The following PRKG1 variants were observed in gnomAD, a reference collection of about 807,000 sequenced individuals.
The protein encoded by PRKG1 is cGMP-dependent protein kinase 1.
Under a neutral mutation model 88.1 loss-of-function variants are expected in PRKG1, and 35 were observed. That is an observed-to-expected ratio of 0.40 (90% confidence interval 0.30 to 0.53). PRKG1 has a LOEUF of 0.53. Among genes scored for constraint, PRKG1 ranks in the 20% least tolerant of loss-of-function variants. PRKG1 has a pLI of 0.59. For missense variants in PRKG1, 540 were observed against 839.8 expected (o/e 0.64, Z 4.41); for synonymous variants, 303 against 292.5 (o/e 1.04, Z -0.37).
At chr10:51,638,908 T>C (rs975295523) in intron 3 of PRKG1, among the ~76,000 whole-genome samples, 5 of 152,148 alleles carry the variant, frequency 3.3e-5, no homozygotes, top group Non-Finnish European at 7.4e-5. Context: ...AAATGGCCCA[T>C]AGGGACAGAC....
At chr10:51,610,738 G>T (rs1838884992) in intron 3 of PRKG1, among the ~76,000 whole-genome samples, 1 of 152,106 alleles carries the variant, frequency 6.6e-6, no homozygotes, top group African/African-American at 2.4e-5. Context: ...CATATCTTTT[G>T]CAGGGACAGG....
intron 2 of PRKG1, among the ~76,000 whole-genome samples, chr10:51,273,641 T>G (rs1211534536): frequency 1.3e-5 from 2 of 152,168 alleles, no homozygotes; most frequent in African/African-American, 4.8e-5. Flanking sequence ...TTGCCAACAT[T>G]TAAACACTGG....
At chr10:52,044,680 C>T (rs1055154875) in intron 5 of PRKG1, among the ~76,000 whole-genome samples, 5 of 152,140 alleles carry the variant, frequency 3.3e-5, no homozygotes, top group African/African-American at 1.2e-4. Context: ...ACTTATCTTA[C>T]TACATGTGCT....
At chr10:51,115,790 T>A (rs1459429600) in intron 1 of PRKG1, among the ~76,000 whole-genome samples, 1 of 149,192 alleles carries the variant, frequency 6.7e-6, no homozygotes, top group African/African-American at 2.5e-5. Flanking sequence ...GAGCTGAGAT[T>A]GTGCCAATGC....
intron 4 of PRKG1, among the ~76,000 whole-genome samples, chr10:51,900,311 TCATCCTTCATTAA>T (rs1397490975): frequency 6.6e-6 from 1 of 152,194 alleles, no homozygotes; most frequent in Non-Finnish European, 1.5e-5. Flanking sequence ...TTTTGTGATT[TCATCCTTCATTAA>T]CATCCAACAA....
At chr10:51,330,452 C>T (rs1185163158) in intron 2 of PRKG1, among the ~76,000 whole-genome samples, 1 of 152,036 alleles carries the variant, frequency 6.6e-6, no homozygotes, top group African/African-American at 2.4e-5. Context: ...CACCCGGCCA[C>T]GTTCTCTCTT....
chr10:52,185,679 G>T (rs1839181512), intron 9 of PRKG1, among the ~76,000 whole-genome samples: 2 of 152,280 alleles, frequency 1.3e-5, no homozygotes, highest in African/African-American at 2.4e-5. Context: ...TTCTGCCTCG[G>T]CACCCAGACT....
At chr10:51,638,803 TTAAC>T (rs1476080411) in intron 3 of PRKG1, among the ~76,000 whole-genome samples, 1 of 152,206 alleles carries the variant, frequency 6.6e-6, no homozygotes, top group Non-Finnish European at 1.5e-5. Context: ...TATTTCCCAA[TTAAC>T]TAAGACTTGA....
intron 3 of PRKG1, among the ~76,000 whole-genome samples, chr10:51,598,513 C>A (rs1456994761): frequency 6.6e-6 from 1 of 152,204 alleles, no homozygotes; most frequent in Non-Finnish European, 1.5e-5. Flanking sequence ...CTGCCTTGGC[C>A]TCCTAGAGTG....
chr10:51,782,720 G>A (rs1838623963), intron 3 of PRKG1, among the ~76,000 whole-genome samples: 1 of 152,064 alleles, frequency 6.6e-6, no homozygotes, highest in South Asian at 2.1e-4. Context: ...GGTTTTATCA[G>A]GGGTTTCCAC....
chr10:51,737,736 TA>T (rs1412135639), intron 3 of PRKG1, among the ~76,000 whole-genome samples: 4 of 133,888 alleles, frequency 3.0e-5, no homozygotes, highest in Non-Finnish European at 1.6e-5. Context: ...TTTATTTATT[TA>T]TTAATTATTA....
chr10:51,847,298 C>T (rs868378101), intron 4 of PRKG1, among the ~76,000 whole-genome samples: 8 of 152,048 alleles, frequency 5.3e-5, no homozygotes, highest in East Asian at 1.9e-4. Flanking sequence ...AAATGCAAAA[C>T]GAGTGATGAT....
chr10:51,882,492 G>T (rs531847400), intron 4 of PRKG1, among the ~76,000 whole-genome samples: 1 of 152,272 alleles, frequency 6.6e-6, no homozygotes, highest in Non-Finnish European at 1.5e-5. Context: ...GAAATGGGAA[G>T]ATTGCTTCTT....
chr10:51,762,888 G>A (rs931472455), intron 3 of PRKG1, among the ~76,000 whole-genome samples: 9 of 152,292 alleles, frequency 5.9e-5, no homozygotes, highest in African/African-American at 2.2e-4. Context: ...AGGTACCTGT[G>A]TATTTCCGTT....
intron 1 of PRKG1, among the ~76,000 whole-genome samples, chr10:50,994,401 A>AT (rs562018970): frequency 0.19 from 16,606 of 87,602 alleles, 3,698 homozygotes; most frequent in Non-Finnish European, 0.25. Context: ...CTCACCTGTA[A>AT]TTTTTTTTTT....
rs192300874 is a variant in PRKG1 at position 51,109,464 on chromosome 10, G to A, written c.311+34563G>A. ...TAGATACATGATTTTTGACAAAAGC[G>A]CAAAGGCAATTAAGTGAAAAAGGGA... On this transcript the variant is annotated intron_variant, in intron 1 of 17. Coordinates refer to ENST00000373980, the MANE Select transcript of PRKG1 (RefSeq NM_006258.4). Among the ~76,000 whole-genome samples the A allele has an allele frequency of 2.0e-3, 302 of 152,088 alleles. 2 individuals carry two copies. The highest frequency in any genetic ancestry group is 3.3e-3 in the Admixed American group (50 of 15,238).
chr10:51,318,174 G>A (rs1841369717), intron 2 of PRKG1, among the ~76,000 whole-genome samples: 1 of 152,152 alleles, frequency 6.6e-6, no homozygotes, highest in African/African-American at 2.4e-5. Flanking sequence ...ACTGTGGCAT[G>A]GTAGGCATTC....
At position 52,020,898 on chromosome 10, in the gene PRKG1, C is replaced by T. The variant is rs1845166819; in HGVS notation, c.763-33586C>T. Among the ~76,000 whole-genome samples the T allele has an allele frequency of 3.3e-5, 5 of 152,222 alleles. No homozygotes were observed. In the South Asian group the frequency reaches 1.0e-3, roughly 32 times the overall value. On this transcript the variant is annotated intron_variant, in intron 5 of 17. Transcript: ENST00000373980. The stretch of plus-strand genomic sequence containing the variant: ...CTCCCTTGTTCCTGCATTCAATTAG[C>T]ATTTTAATGCAACAGGTGTGGACCA...
chr10:51,188,551 G>T (rs1044089046), intron 2 of PRKG1, among the ~76,000 whole-genome samples: 4 of 151,832 alleles, frequency 2.6e-5, no homozygotes, highest in African/African-American at 9.7e-5. Flanking sequence ...AGATACAATT[G>T]CAACAAATTG....
Sources: allele counts gnomAD v4.1 joint callset (sites outside exome capture counted in the v4.1 genomes callset), GRCh38; gene constraint gnomAD v4.1.1; transcripts MANE v1.5; gene names NCBI Gene and HGNC (gene_info 2026-07-23, HGNC 2026-07-21).